Variants in MGAT3 observed in about 807,000 individuals in gnomAD.
The protein encoded by MGAT3 is beta-1,4-mannosyl-glycoprotein 4-beta-N-acetylglucosaminyltransferase.
MGAT3 carries 9 observed loss-of-function variants against 29.8 expected under a neutral mutation model. The observed-to-expected ratio is 0.30, with a 90% CI of 0.18 to 0.53. The LOEUF is 0.53. Among genes scored for constraint, MGAT3 ranks in the 20% least tolerant of loss-of-function variants. The pLI is 0.96. For missense variants in MGAT3, 557 were observed against 769.5 expected (o/e 0.72, Z 3.27); for synonymous variants, 397 against 348.9 (o/e 1.14, Z -1.54).
chr22:39,466,451 T>A (rs1928648813), intron 1 of MGAT3, among the ~76,000 whole-genome samples: 1 of 152,160 alleles, frequency 6.6e-6, no homozygotes, highest in African/African-American at 2.4e-5. Flanking sequence ...ACCTCTGACC[T>A]CCTTCCTCCG....
chr22:39,487,539 A>G lies in MGAT3; in HGVS notation c.192A>G (p.Pro64=). 6.2e-7 allele frequency: 1 copy of G among 1,612,690 alleles called. No individual in the cohort carries two copies. The highest frequency in any genetic ancestry group is 8.5e-7 in the Non-Finnish European group (1 of 1,179,934). ...TCACGCCCCAGGCCAGCCCCGAGCC[A>G]GGAGGCCCTGACCTGCTGCGTACCC... ...APVTPQASPE[P]GGPDLLRTPL... is the part of the protein sequence containing the mutation. Residue 64 remains proline, a synonymous_variant, in exon 2 of 2, where the codon CCA becomes CCG. Transcript: ENST00000341184. The surrounding 1 kb of genome is among the most constrained non-coding windows in gnomAD (Gnocchi z 5.7).
intron 1 of MGAT3, among the ~76,000 whole-genome samples, chr22:39,479,019 G>A (rs1020672897): frequency 2.0e-5 from 3 of 152,198 alleles, no homozygotes; most frequent in African/African-American, 7.2e-5. Context: ...CTGCCAGGAA[G>A]CACCTGGCCC....
At position 39,457,291 on chromosome 22, in the gene MGAT3, G is replaced by A. The variant is rs1024326164; in HGVS notation, c.-268G>A. The A allele has an allele frequency of 2.8e-4, 39 of 141,574 alleles. No homozygotes were observed. The highest frequency in any genetic ancestry group is 9.4e-5 in the Non-Finnish European group (6 of 63,988). 8.8% of individuals were successfully genotyped at this position (141,574 alleles called of 1,614,324 possible). A position where few individuals can be genotyped will look rare whatever the true frequency, so the allele number is the denominator to read the frequency against. On this transcript the variant is annotated 5_prime_UTR_variant, in exon 1 of 2. Coordinates refer to ENST00000341184, the MANE Select transcript of MGAT3 (RefSeq NM_002409.5). The surrounding 1 kb of genome is among the most constrained non-coding windows in gnomAD (Gnocchi z 6.8). The stretch of plus-strand genomic sequence containing the variant: ...CTCCCCCGCGCCCGTCCGCTCGCCG[G>A]GCCCCCGCCGCCGCCCCGGGGTGCA...
Position 39,488,013 on chromosome 22 carries a change from C to T in MGAT3, c.666C>T (p.Asp222=), listed in dbSNP as rs1168080955. The T allele has an allele frequency of 3.7e-6, 6 of 1,613,076 alleles. No individual in the cohort carries two copies. The highest frequency in any genetic ancestry group is 3.4e-6 in the Non-Finnish European group (4 of 1,179,866). Residue 222 remains aspartate (D), a synonymous_variant, in exon 2 of 2, where the codon GAC becomes GAT. Coordinates refer to ENST00000341184, the MANE Select transcript of MGAT3 (RefSeq NM_002409.5). ...INVNHEFDLL[D]VRFHELGDVV... ...TCAACCACGAGTTCGACCTGCTGGA[C>T]GTGCGCTTCCACGAGCTGGGCGACG...
chr22:39,473,506 C>T (rs1437496370), intron 1 of MGAT3, among the ~76,000 whole-genome samples: 1 of 152,204 alleles, frequency 6.6e-6, no homozygotes, highest in East Asian at 1.9e-4. Flanking sequence ...GCCTAATCAC[C>T]TCTTAAAGTC....
chr22:39,479,409 G>A (rs972743565), intron 1 of MGAT3, among the ~76,000 whole-genome samples: 1 of 152,058 alleles, frequency 6.6e-6, no homozygotes, highest in Non-Finnish European at 1.5e-5. Context: ...GTCTGGCAGC[G>A]GGGTGGGGGT....
Position 39,487,674 on chromosome 22 carries a change from G to T in MGAT3, c.327G>T (p.Val109=), listed in dbSNP as rs775063824. ...VLPEDTTEYF[V]RTKAGGVCFK... is the part of the protein sequence containing the mutation. ...CCGAGGACACCACCGAGTATTTCGT[G>T]CGCACCAAGGCCGGCGGCGTCTGCT... The change falls in exon 2 of 2, where the codon GTG becomes GTT. Residue 109 remains valine, a synonymous_variant. Coordinates refer to ENST00000341184, the MANE Select transcript of MGAT3 (RefSeq NM_002409.5). The surrounding 1 kb of genome is among the most constrained non-coding windows in gnomAD (Gnocchi z 5.7). 6.2e-7 allele frequency: 1 copy of T among 1,602,988 alleles called. No individual in the cohort carries two copies. The highest frequency in any genetic ancestry group is 2.2e-5 in the East Asian group (1 of 44,682).
chr22:39,469,842 C>T (rs1362315630), intron 1 of MGAT3, among the ~76,000 whole-genome samples: 1 of 152,218 alleles, frequency 6.6e-6, no homozygotes, highest in Non-Finnish European at 1.5e-5. Flanking sequence ...GCTGGCACTG[C>T]CGGGGCTGCA....
chr22:39,486,402 C>A (rs1231958716), intron 1 of MGAT3, among the ~76,000 whole-genome samples: 1 of 152,182 alleles, frequency 6.6e-6, no homozygotes, highest in African/African-American at 2.4e-5. Context: ...CTCGGCCTCC[C>A]AAAGTGCTGG....
At chr22:39,463,289 G>T (rs1928547966) in intron 1 of MGAT3, among the ~76,000 whole-genome samples, 1 of 152,216 alleles carries the variant, frequency 6.6e-6, no homozygotes, top group East Asian at 1.9e-4. Flanking sequence ...CCAGAGTTGG[G>T]GGTCCACAGC....
chr22:39,487,595 C>T lies in MGAT3; in HGVS notation c.248C>T (p.Pro83Leu), dbSNP rs780212481. ...TACTCCCACTCGCCCCTGCTGCAGC[C>T]GCTGCCGCCCAGCAAGGCGGCCGAG... ...PLYSHSPLLQ[P>L]LPPSKAAEEL... The change falls in exon 2 of 2, where the codon CCG becomes CTG. Residue 83 changes from proline to leucine, a missense_variant. Coordinates refer to ENST00000341184, the MANE Select transcript of MGAT3 (RefSeq NM_002409.5). The surrounding 1 kb of genome is among the most constrained non-coding windows in gnomAD (Gnocchi z 5.7). 1 of 1,611,450 alleles carries T rather than the reference C, an allele frequency of 6.2e-7. No individual in the cohort carries two copies. Among genetic ancestry groups the T allele is most frequent in the Non-Finnish European group, 8.5e-7 (1 of 1,179,284 alleles).
At chr22:39,485,833 G>A (rs183532778) in intron 1 of MGAT3, among the ~76,000 whole-genome samples, 31 of 152,082 alleles carry the variant, frequency 2.0e-4, no homozygotes, top group Admixed American at 5.2e-4. Flanking sequence ...AATTTAAATT[G>A]GAGAATGAGA....
intron 1 of MGAT3, among the ~76,000 whole-genome samples, chr22:39,480,207 G>C (rs1359939832): frequency 6.6e-6 from 1 of 152,160 alleles, no homozygotes; most frequent in African/African-American, 2.4e-5. Context: ...AGAAATACTA[G>C]GTGAATTTTA....
chr22:39,482,527 A>G (rs1485273647), intron 1 of MGAT3, among the ~76,000 whole-genome samples: 1 of 152,198 alleles, frequency 6.6e-6, no homozygotes, highest in Non-Finnish European at 1.5e-5. Context: ...CGTTTTCTCC[A>G]TCTGTTAAAA....
Position 39,487,679 on chromosome 22 carries a change from C to G in MGAT3, c.332C>G (p.Thr111Ser). 1 of 1,601,438 alleles carries G rather than the reference C, an allele frequency of 6.2e-7. No individual in the cohort carries two copies. The highest frequency in any genetic ancestry group is 1.7e-4 in the Middle Eastern group (1 of 6,008). Residue 111 changes from threonine (T) to serine (S), a missense_variant, in exon 2 of 2, where the codon ACC becomes AGC. Thr to Ser is a moderately conservative substitution (Grantham distance 58). Around this residue, in one of 3 missense-constraint regions of MGAT3, gnomAD observed 212 missense variants for 228.5 expected, o/e 0.93. Transcript: ENST00000341184. This position sits in a 1 kb window ranked among gnomAD's most constrained non-coding sequence, Gnocchi z 5.7. ...PEDTTEYFVR[T>S]KAGGVCFKPG... ...GACACCACCGAGTATTTCGTGCGCACCAAGGCCGGCGGCGTCTGCTTCAAA... is the reference window on the plus strand; with the variant it reads ...GACACCACCGAGTATTTCGTGCGCAGCAAGGCCGGCGGCGTCTGCTTCAAA...
chr22:39,484,272 A>G (rs1426565769), intron 1 of MGAT3, among the ~76,000 whole-genome samples: 1 of 152,228 alleles, frequency 6.6e-6, no homozygotes. Flanking sequence ...TGAAGGGAAC[A>G]AGAGCTTATT....
chr22:39,465,002 G>A (rs1928600765), intron 1 of MGAT3, among the ~76,000 whole-genome samples: 1 of 152,060 alleles, frequency 6.6e-6, no homozygotes, highest in African/African-American at 2.4e-5. Context: ...TGATCTGCCT[G>A]CCTCGGCCTC....
At chr22:39,485,367 G>A (rs1431858854) in intron 1 of MGAT3, among the ~76,000 whole-genome samples, 1 of 152,238 alleles carries the variant, frequency 6.6e-6, no homozygotes, top group Non-Finnish European at 1.5e-5. Context: ...GTGACATTCT[G>A]ATGTCCGTTT....
At chr22:39,477,894 A>G (rs1929013336) in intron 1 of MGAT3, among the ~76,000 whole-genome samples, 1 of 152,252 alleles carries the variant, frequency 6.6e-6, no homozygotes, top group African/African-American at 2.4e-5. Context: ...TGTGAGACAG[A>G]AACGGTTATA....
Sources: allele counts gnomAD v4.1 joint callset (sites outside exome capture counted in the v4.1 genomes callset), GRCh38; gene constraint gnomAD v4.1.1; regional missense constraint gnomAD v4.1.1; non-coding constraint Gnocchi (gnomAD v3.1); transcripts MANE v1.5; gene names NCBI Gene and HGNC (gene_info 2026-07-23, HGNC 2026-07-21).